The following PTPRT variants were observed in gnomAD, a reference collection of about 807,000 sequenced individuals.
PTPRT encodes the protein protein tyrosine phosphatase receptor type T, also known as receptor-type tyrosine-protein phosphatase T.
In PTPRT, 56 loss-of-function variants were observed where a neutral mutation model predicts 176.8. The ratio of observed to expected loss-of-function variants is 0.32; its 90% confidence interval spans 0.26 to 0.40. The LOEUF (loss-of-function observed/expected upper bound fraction) is 0.40, where lower values mean the gene tolerates loss of function less well. PTPRT is among the 10% of genes least tolerant of loss of function. The pLI is 1.00. For missense variants in PTPRT, 1,540 were observed against 1,908.2 expected (o/e 0.81, Z 3.60); for synonymous variants, 783 against 739.0 (o/e 1.06, Z -0.96).
At chr20:42,236,283 G>A (rs1413932663) in intron 14 of PTPRT, 25 bp from the exon 15 acceptor site, 1 of 1,561,142 alleles carries the variant, frequency 6.4e-7, no homozygotes, top group Admixed American at 1.7e-5. Context: ...GCAGTCAGAT[G>A]AAGGAAATGT....
chr20:42,524,472 C>A (rs1433842036), intron 7 of PTPRT, among the ~76,000 whole-genome samples: 2 of 152,134 alleles, frequency 1.3e-5, no homozygotes, highest in Non-Finnish European at 2.9e-5. Flanking sequence ...TGTTTTCTGG[C>A]TTTCATTGCT....
chr20:43,162,640 C>CA (rs1331484797), intron 1 of PTPRT, among the ~76,000 whole-genome samples: 1 of 150,416 alleles, frequency 6.6e-6, no homozygotes, highest in Non-Finnish European at 1.5e-5. Flanking sequence ...GTCCATCACT[C>CA]TGGAGGCAGC....
intron 15 of PTPRT, among the ~76,000 whole-genome samples, chr20:42,204,840 C>G (rs1002470305): frequency 1.3e-5 from 2 of 151,952 alleles, no homozygotes; most frequent in African/African-American, 4.8e-5. Context: ...AGGAGGAGTG[C>G]GTGAAACATC....
chr20:42,380,786 T>C (rs2058691956), intron 9 of PTPRT, among the ~76,000 whole-genome samples: 1 of 152,214 alleles, frequency 6.6e-6, no homozygotes, highest in East Asian at 1.9e-4. Flanking sequence ...AATTGGCTCA[T>C]GGAGGTATGT....
At chr20:42,952,917 T>C (rs1418131098) in intron 1 of PTPRT, among the ~76,000 whole-genome samples, 2 of 152,200 alleles carry the variant, frequency 1.3e-5, no homozygotes, top group African/African-American at 4.8e-5. Context: ...GTGGATTCTT[T>C]TGTATATACT....
At chr20:42,771,317 T>G (rs966086875) in intron 5 of PTPRT, 118 bp downstream of exon 5, 29 of 875,518 alleles carry the variant, frequency 3.3e-5, no homozygotes, top group Non-Finnish European at 5.1e-5. Context: ...CTAGCTGTTG[T>G]CCCCCTCTGC....
chr20:43,122,433 G>A (rs1307496709), intron 1 of PTPRT, among the ~76,000 whole-genome samples: 2 of 152,174 alleles, frequency 1.3e-5, no homozygotes, highest in Non-Finnish European at 2.9e-5. Context: ...AAGAGAGCAA[G>A]AAACTCCACT....
Position 42,842,476 on chromosome 20 carries a change from T to C in PTPRT, c.214+43331A>G, listed in dbSNP as rs11699167. ...GCTCTGTCACTCAGGCTATAGAGCATTGGCACAATCTCAGCTCACTGCAAC... is the reference window on the plus strand; with the variant it reads ...GCTCTGTCACTCAGGCTATAGAGCACTGGCACAATCTCAGCTCACTGCAAC... On this transcript the variant is annotated intron_variant, in intron 2 of 30. Transcript: ENST00000373187. 2.6e-5 allele frequency among the ~76,000 whole-genome samples: 4 copies of C among 152,274 alleles called. No individual in the cohort carries two copies. In the East Asian group the frequency reaches 5.8e-4, roughly 22 times the overall value.
At chr20:42,630,888 G>A (rs1189536808) in intron 7 of PTPRT, among the ~76,000 whole-genome samples, 1 of 152,092 alleles carries the variant, frequency 6.6e-6, no homozygotes, top group African/African-American at 2.4e-5. Context: ...GTGGAGTTTG[G>A]CACCACAGAT....
intron 2 of PTPRT, among the ~76,000 whole-genome samples, chr20:42,798,552 A>C (rs1234510432): frequency 1.3e-5 from 2 of 152,206 alleles, no homozygotes; most frequent in Non-Finnish European, 2.9e-5. Context: ...CAAGTGTCAA[A>C]AAAAAGAAAT....
At chr20:42,309,956 T>C (rs1323948887) in intron 12 of PTPRT, among the ~76,000 whole-genome samples, 1 of 151,978 alleles carries the variant, frequency 6.6e-6, no homozygotes, top group Non-Finnish European at 1.5e-5. Flanking sequence ...TATGAGTGAG[T>C]GCTGGTGGGT....
intron 1 of PTPRT, among the ~76,000 whole-genome samples, chr20:43,076,429 C>A (rs199997789): frequency 1.5e-4 from 23 of 148,470 alleles, no homozygotes; most frequent in East Asian, 3.9e-4. Flanking sequence ...CAAATGAAAC[C>A]AAAAAAAAAA....
Position 42,756,546 on chromosome 20 carries a change from G to T in PTPRT, c.775C>A (p.Gln259Lys), listed in dbSNP as rs761753488. Residue 259 changes from glutamine to lysine, a missense_variant, in exon 6 of 31, where the codon CAG (glutamine) becomes AAG (lysine). Physicochemically the swap from Gln to Lys is moderately conservative, Grantham distance 53. Coordinates refer to ENST00000373187, the MANE Select transcript of PTPRT (RefSeq NM_007050.6). ...CAGCGGTACTTGCTGACGCTCCGCT[G>T]GGCAGTGTCTGCCACACTGACTGTG... is the stretch of plus-strand genomic sequence containing the variant. ...SATVSVADTA[Q>K]RSVSKYRCVI... 1.5e-5 allele frequency: 24 copies of T among 1,613,208 alleles called. 1 individual carries two copies. The highest frequency in any genetic ancestry group is 1.3e-4 in the East Asian group (6 of 44,846).
At chr20:42,140,556 C>T (rs1988578049) in intron 18 of PTPRT, among the ~76,000 whole-genome samples, 1 of 152,184 alleles carries the variant, frequency 6.6e-6, no homozygotes, top group Admixed American at 6.5e-5. Context: ...CTGTCACACA[C>T]AAGTTATTGT....
chr20:42,091,599 T>C (rs1203584097), intron 27 of PTPRT, among the ~76,000 whole-genome samples: 1 of 152,258 alleles, frequency 6.6e-6, no homozygotes, highest in Non-Finnish European at 1.5e-5. Flanking sequence ...AAAGGTGAAG[T>C]GAATTGGTAT....
Position 43,189,592 on chromosome 20 carries a change from G to A in PTPRT, c.88+54C>T. On this transcript the variant is annotated intron_variant, in intron 1 of 30. Coordinates refer to ENST00000373187, the MANE Select transcript of PTPRT (RefSeq NM_007050.6). The surrounding 1 kb of genome is among the most constrained non-coding windows in gnomAD (Gnocchi z 5.0). Reference sequence around the variant, plus strand: ...CCGAGGGCCCCGCGGCTGGGGGCCCGCGCGCATCCAGGAGGGAGCGGGGAG... The same window carrying A: ...CCGAGGGCCCCGCGGCTGGGGGCCCACGCGCATCCAGGAGGGAGCGGGGAG... The A allele has an allele frequency of 8.7e-7, 1 of 1,146,468 alleles. No individual in the cohort carries two copies. The highest frequency in any genetic ancestry group is 1.1e-6 in the Non-Finnish European group (1 of 915,692). The allele number at this position is 1,146,468 out of a possible 1,614,324, so 71.0% of individuals were successfully genotyped here.
At chr20:42,546,800 A>T (rs2072682768) in intron 7 of PTPRT, among the ~76,000 whole-genome samples, 1 of 152,150 alleles carries the variant, frequency 6.6e-6, no homozygotes, top group Non-Finnish European at 1.5e-5. Context: ...AGGAGAATGG[A>T]TGGTCAGTGG....
intron 3 of PTPRT, among the ~76,000 whole-genome samples, chr20:42,789,626 A>G (rs546297195): frequency 1.1e-4 from 17 of 152,326 alleles, no homozygotes; most frequent in African/African-American, 3.4e-4. Flanking sequence ...CATCACCACC[A>G]TTACCATCAT....
chr20:42,375,973 A>G (rs1188926316), intron 9 of PTPRT, among the ~76,000 whole-genome samples: 2 of 152,214 alleles, frequency 1.3e-5, no homozygotes, highest in East Asian at 1.9e-4. Context: ...CCAATAAAGC[A>G]GCATGGGAGG....
Sources: gnomAD v4.1 joint callset for allele counts (sites outside exome capture counted in the v4.1 genomes callset) on GRCh38, gnomAD v4.1.1 for gene constraint, Gnocchi (gnomAD v3.1) non-coding constraint, MANE v1.5 for transcripts, NCBI Gene and HGNC (gene_info 2026-07-23, HGNC 2026-07-21) for gene names.